NOC3L: variants seen among roughly 807,000 people sequenced by gnomAD.
NOC3L encodes NOC3 like DNA replication regulator.
A neutral mutation model predicts 102.5 loss-of-function variants in NOC3L; 85 were observed. The observed-to-expected ratio is 0.83, with a 90% CI of 0.70 to 0.99. The LOEUF (loss-of-function observed/expected upper bound fraction) is 0.99. Ranked by LOEUF, NOC3L falls within the 50% of genes least tolerant of loss-of-function variation. The probability of loss-of-function intolerance (pLI) is 0.00; values close to 1 mark genes in which losing one functional copy is unlikely to be tolerated. For missense variants in NOC3L, 878 were observed against 914.9 expected (o/e 0.96, Z 0.52); for synonymous variants, 303 against 309.4 (o/e 0.98, Z 0.22).
At chr10:94,335,318 A>G (rs892532747) in intron 19 of NOC3L, among the ~76,000 whole-genome samples, 2 of 152,154 alleles carry the variant, frequency 1.3e-5, no homozygotes, top group Admixed American at 1.3e-4. Flanking sequence ...AGCCTTTGGG[A>G]TAAGCTCATT....
chr10:94,354,405 C>T (rs887748544), intron 6 of NOC3L, among the ~76,000 whole-genome samples: 1 of 152,036 alleles, frequency 6.6e-6, no homozygotes, highest in Non-Finnish European at 1.5e-5. Flanking sequence ...AATAACTTAC[C>T]CAAAGTCTCA....
chr10:94,328,875 A>G (rs1002241630), downstream of NOC3L: 6 of 152,218 alleles, frequency 3.9e-5, no homozygotes, highest in African/African-American at 1.4e-4. Context: ...GGTTTTCAAA[A>G]TGAATTTAGA....
the NOC3L span, among the ~76,000 whole-genome samples, chr10:94,326,363 T>A: frequency 5.3e-3 from 814 of 152,340 alleles, 4 homozygotes; most frequent in Non-Finnish European, 9.2e-3. Flanking sequence ...ATTGAGATCA[T>A]GTTTCCACAT....
chr10:94,331,706 A>G (rs954437725), downstream of NOC3L: 1 of 152,158 alleles, frequency 6.6e-6, no homozygotes, highest in African/African-American at 2.4e-5. Flanking sequence ...TTGGGTCAAT[A>G]TTCCCCATGA....
At chr10:94,355,768 G>GT (rs199854686) in intron 5 of NOC3L, among the ~76,000 whole-genome samples, 354 of 151,286 alleles carry the variant, frequency 2.3e-3, no homozygotes, top group African/African-American at 7.4e-3. Context: ...ATCCTATTTA[G>GT]TTTTTTTTTA....
the NOC3L span, chr10:94,324,596 CTTAAG>C: frequency 1.1e-5 from 16 of 1,521,668 alleles, no homozygotes; most frequent in African/African-American, 4.2e-5. Flanking sequence ...TTGCTCTGTT[CTTAAG>C]TTATCTGATA....
At chr10:94,358,609 C>A (rs1475311945) in intron 2 of NOC3L, among the ~76,000 whole-genome samples, 1 of 152,220 alleles carries the variant, frequency 6.6e-6, no homozygotes, top group East Asian at 1.9e-4. Context: ...CCCCTCAGCT[C>A]CTTCTCATCT....
Position 94,344,892 on chromosome 10 carries a change from C to T in NOC3L, c.1431G>A (p.Glu477=). ...AEEKLERELR[E]AEASESTEKK... is the part of the protein sequence containing the mutation. ...TCTCAGTACTCTCTGAAGCTTCTGC[C>T]TCTCGAAGCTCTCGCTCTAGTTTCT... The change falls in exon 12 of 21, where the codon GAG becomes GAA. Residue 477 remains glutamate, a synonymous_variant. Coordinates refer to ENST00000371361, the MANE Select transcript of NOC3L (RefSeq NM_022451.11). The T allele has an allele frequency of 6.2e-7, 1 of 1,610,232 alleles. No homozygotes were observed. The highest frequency in any genetic ancestry group is 1.1e-5 in the South Asian group (1 of 90,140).
At chr10:94,352,521 A>C (rs1316386159) in intron 7 of NOC3L, 118 bp from the exon 8 acceptor site, 1 of 665,120 alleles carries the variant, frequency 1.5e-6, no homozygotes, top group Non-Finnish European at 2.5e-6. Context: ...CAAAAAACAA[A>C]AAACGCGGCA....
intron 10 of NOC3L, 96 bp from the exon 11 acceptor site, chr10:94,346,652 G>T (rs3758524): frequency 3.1e-6 from 2 of 645,622 alleles, no homozygotes; most frequent in Non-Finnish European, 4.5e-6. Context: ...TATTTCCCTC[G>T]TTCATGAAAA....
At chr10:94,345,696 TAA>T (rs2054334921) in intron 11 of NOC3L, among the ~76,000 whole-genome samples, 1 of 152,202 alleles carries the variant, frequency 6.6e-6, no homozygotes, top group South Asian at 2.1e-4. Flanking sequence ...TCACAATTAT[TAA>T]GTCTATTTTG....
At chr10:94,319,864 C>CCTTTTTT in the NOC3L span, among the ~76,000 whole-genome samples, 102 of 92,938 alleles carry the variant, frequency 1.1e-3, 1 homozygote, top group African/African-American at 3.8e-3. Context: ...CAAAGGTGCT[C>CCTTTTTT]TTTTTTTTTT....
the NOC3L span, among the ~76,000 whole-genome samples, chr10:94,322,647 T>C: frequency 6.6e-6 from 1 of 151,902 alleles, no homozygotes; most frequent in Non-Finnish European, 1.5e-5. Flanking sequence ...TAGCTGGGCG[T>C]GGTGGCAGGC....
chr10:94,344,636 T>C (rs2054322714), intron 12 of NOC3L, 121 bp from the exon 13 acceptor site: 1 of 711,176 alleles, frequency 1.4e-6, no homozygotes, highest in Non-Finnish European at 2.3e-6. Context: ...CACAATGCAA[T>C]CTTTGAAATT....
At chr10:94,346,364 T>C in intron 11 of NOC3L, 61 bp downstream of exon 11, 1 of 1,293,612 alleles carries the variant, frequency 7.7e-7, no homozygotes, top group Non-Finnish European at 1.0e-6. Flanking sequence ...TGCCTATAAG[T>C]TTAATCTAAG....
chr10:94,345,858 T>C (rs1252284304), intron 11 of NOC3L, among the ~76,000 whole-genome samples: 1 of 152,150 alleles, frequency 6.6e-6, no homozygotes, highest in East Asian at 1.9e-4. Flanking sequence ...ATGATGGTGG[T>C]GGTACTAAAA....
At chr10:94,325,923 T>C in the NOC3L span, among the ~76,000 whole-genome samples, 1 of 152,190 alleles carries the variant, frequency 6.6e-6, no homozygotes, top group Non-Finnish European at 1.5e-5. Flanking sequence ...GCATCCGGGA[T>C]GTGGTTAAAA....
chr10:94,360,939 G>A (rs1475342680), intron 2 of NOC3L, among the ~76,000 whole-genome samples: 1 of 151,982 alleles, frequency 6.6e-6, no homozygotes, highest in Admixed American at 6.6e-5. Context: ...CTGAGCCCAG[G>A]AGGTCAAGGC....
chr10:94,342,589 C>T (rs1396953463), intron 13 of NOC3L, among the ~76,000 whole-genome samples: 2 of 150,272 alleles, frequency 1.3e-5, no homozygotes, highest in East Asian at 2.0e-4. Flanking sequence ...CACACACGTG[C>T]GCAAGTATTC....
Sources: gnomAD v4.1 joint callset for allele counts (sites outside exome capture counted in the v4.1 genomes callset) on GRCh38, gnomAD v4.1.1 for gene constraint, MANE v1.5 for transcripts, NCBI Gene and HGNC (gene_info 2026-07-23, HGNC 2026-07-21) for gene names.